The following DGKD variants were observed in gnomAD, a reference collection of about 807,000 sequenced individuals.
The protein encoded by DGKD is diacylglycerol kinase delta.
A neutral mutation model predicts 154.4 loss-of-function variants in DGKD; 68 were observed. The observed-to-expected ratio is 0.44, with a 90% CI of 0.36 to 0.54. The LOEUF (loss-of-function observed/expected upper bound fraction) is 0.54. Ranked by LOEUF, DGKD falls within the 20% of genes least tolerant of loss-of-function variation. The pLI is 0.00. For missense variants in DGKD, 1,343 were observed against 1,593.6 expected (o/e 0.84, Z 2.68); for synonymous variants, 693 against 638.0 (o/e 1.09, Z -1.30).
At chr2:233,426,888 G>C (rs531715647) in intron 3 of DGKD, among the ~76,000 whole-genome samples, 1 of 152,294 alleles carries the variant, frequency 6.6e-6, no homozygotes, top group South Asian at 2.1e-4. Context: ...TCACCCTGTA[G>C]CTTTAATTTG....
intron 1 of DGKD, among the ~76,000 whole-genome samples, chr2:233,370,685 A>G (rs1256451846): frequency 1.4e-5 from 2 of 146,962 alleles, no homozygotes; most frequent in African/African-American, 5.1e-5. Flanking sequence ...CCTTTTGACT[A>G]TTGTGAATAG....
intron 3 of DGKD, among the ~76,000 whole-genome samples, chr2:233,393,368 G>T (rs2125452608): frequency 7.9e-6 from 1 of 125,800 alleles, no homozygotes; most frequent in East Asian, 2.3e-4. Context: ...ACAGGGTCTT[G>T]CTCTGTTGCC....
intron 3 of DGKD, among the ~76,000 whole-genome samples, chr2:233,424,172 C>G (rs936688743): frequency 1.3e-5 from 2 of 152,166 alleles, no homozygotes; most frequent in African/African-American, 2.4e-5. Context: ...CTCTTAGGCC[C>G]TTTTGGTTTG....
intron 1 of DGKD, among the ~76,000 whole-genome samples, chr2:233,356,192 A>G (rs1368209593): frequency 6.6e-6 from 1 of 152,238 alleles, no homozygotes; most frequent in Non-Finnish European, 1.5e-5. Context: ...GGCCTTCTAC[A>G]TATTTGAACC....
rs764235012 is a variant in DGKD, at chr2:233,386,004, CGT to C, written c.157-2246_157-2245del. 1.5e-5 allele frequency: 7 copies of C among 460,744 alleles called. No homozygotes were observed. In the East Asian group the frequency reaches 4.9e-4, roughly 32 times the overall value. The allele number at this position is 460,744 out of a possible 1,614,324, so 28.5% of individuals were successfully genotyped here. A position where few individuals can be genotyped will look rare whatever the true frequency, so the allele number is the denominator to read the frequency against. On this transcript the variant is annotated intron_variant, in intron 1 of 29. Coordinates refer to ENST00000264057, the MANE Select transcript of DGKD (RefSeq NM_152879.3). ...AAGATTGTGCGTGTGCGTGTGTGTG[CGT>C]GTGTGTAAGTATGTGGTGCAGTGAG...
chr2:233,462,681 C>T lies in DGKD; in HGVS notation c.3132C>T (p.Asn1044=). 1 of 1,614,166 alleles carries T rather than the reference C, an allele frequency of 6.2e-7. No homozygotes were observed. The highest frequency in any genetic ancestry group is 1.1e-5 in the South Asian group (1 of 91,086). The change falls in exon 26 of 30, where the codon AAC becomes AAT. Residue 1044 remains asparagine, a synonymous_variant. Transcript: ENST00000264057. The part of the protein sequence containing the change: ...NCSFVLEMVN[N]FRALRSETEL... ...GCTTCGTCCTGGAAATGGTGAATAA[C>T]TTCAGAGCTCTGCGCAGTGAGACGG...
chr2:233,367,058 C>A (rs1384334465), intron 1 of DGKD, among the ~76,000 whole-genome samples: 1 of 152,106 alleles, frequency 6.6e-6, no homozygotes, highest in Non-Finnish European at 1.5e-5. Flanking sequence ...CCATTTATGA[C>A]CTTCCTTTTG....
chr2:233,378,082 C>T (rs1379627197), intron 1 of DGKD, among the ~76,000 whole-genome samples: 1 of 151,706 alleles, frequency 6.6e-6, no homozygotes, highest in African/African-American at 2.4e-5. Context: ...GCTTGGACCA[C>T]AGGTGTGCAC....
chr2:233,379,086 T>A (rs1361728310), intron 1 of DGKD, among the ~76,000 whole-genome samples: 1 of 152,176 alleles, frequency 6.6e-6, no homozygotes, highest in Non-Finnish European at 1.5e-5. Flanking sequence ...ATAAACCCAC[T>A]GAACCTGAGG....
At chr2:233,417,785 T>A (rs1314908391) in intron 3 of DGKD, among the ~76,000 whole-genome samples, 2 of 152,128 alleles carry the variant, frequency 1.3e-5, no homozygotes, top group African/African-American at 2.4e-5. Flanking sequence ...GGAGGTGAGA[T>A]TGGCCTGAAG....
chr2:233,460,842 A>G (rs566178226), intron 24 of DGKD, among the ~76,000 whole-genome samples: 51 of 152,194 alleles, frequency 3.4e-4, no homozygotes, highest in African/African-American at 1.1e-3. Context: ...CAGTGAGCCG[A>G]GATAGCGCCA....
At position 233,467,137 on chromosome 2, in the gene DGKD, G is replaced by A. The variant is rs1043520472; in HGVS notation, c.3358G>A (p.Val1120Met). The change falls in exon 28 of 30, where the codon GTG becomes ATG. Residue 1120 changes from valine to methionine, a missense_variant. Transcript: ENST00000264057. ...KRSRSGKFRL[V>M]TKFKKEKNNK... is the part of the protein sequence containing the mutation. Reference sequence around the variant, plus strand: ...CAGTCGCAGTGGTAAATTCCGCCTCGTGACCAAGTTTAAAAAGGAGAAAAA... The same window carrying A: ...CAGTCGCAGTGGTAAATTCCGCCTCATGACCAAGTTTAAAAAGGAGAAAAA... The A allele has an allele frequency of 4.0e-5, 65 of 1,614,056 alleles. No homozygotes were observed. The highest frequency in any genetic ancestry group is 5.3e-5 in the African/African-American group (4 of 74,926).
intron 12 of DGKD, chr2:233,447,560 G>A (rs1359531896): frequency 2.0e-6 from 2 of 985,516 alleles, no homozygotes; most frequent in Non-Finnish European, 1.2e-6. Flanking sequence ...TGTGGGGGAA[G>A]CCCAGAATAT....
chr2:233,393,683 GTTT>G (rs528368593), intron 3 of DGKD, among the ~76,000 whole-genome samples: 2 of 128,380 alleles, frequency 1.6e-5, no homozygotes. Context: ...ATGTGTATTG[GTTT>G]TTTTTTTTTT....
At chr2:233,401,830 G>A (rs570806293) in intron 3 of DGKD, among the ~76,000 whole-genome samples, 3 of 135,950 alleles carry the variant, frequency 2.2e-5, no homozygotes, top group East Asian at 4.6e-4. Flanking sequence ...TGAGGCACAA[G>A]AATCACTTGA....
chr2:233,419,365 T>G, intron 3 of DGKD: 1 of 985,490 alleles, frequency 1.0e-6, no homozygotes, highest in African/African-American at 1.7e-5. Flanking sequence ...GCTGGGTCAC[T>G]TCAATTTTGA....
At chr2:233,415,658 C>G (rs150228634) in intron 3 of DGKD, among the ~76,000 whole-genome samples, 58 of 152,344 alleles carry the variant, frequency 3.8e-4, no homozygotes, top group African/African-American at 1.3e-3. Flanking sequence ...AGGTTTCACT[C>G]TGTCGCCCTG....
intron 1 of DGKD, among the ~76,000 whole-genome samples, chr2:233,377,701 T>C (rs921201464): frequency 2.0e-5 from 3 of 152,202 alleles, no homozygotes; most frequent in African/African-American, 7.2e-5. Flanking sequence ...GAATAACTGC[T>C]CTGGATTTTG....
chr2:233,467,770 G>A (rs1367278983), intron 28 of DGKD, among the ~76,000 whole-genome samples: 2 of 152,214 alleles, frequency 1.3e-5, no homozygotes, highest in Non-Finnish European at 2.9e-5. Context: ...GGCTGGAGAG[G>A]CCTCCAAGCC....
Sources: allele counts gnomAD v4.1 joint callset (sites outside exome capture counted in the v4.1 genomes callset), GRCh38; gene constraint gnomAD v4.1.1; transcripts MANE v1.5; gene names NCBI Gene and HGNC (gene_info 2026-07-23, HGNC 2026-07-21).